The following ST8SIA6 variants were observed in gnomAD, a reference collection of about 807,000 sequenced individuals.
ST8SIA6 encodes alpha-2,8-sialyltransferase 8F.
Under a neutral mutation model 33.6 loss-of-function variants are expected in ST8SIA6, and 39 were observed. That is an observed-to-expected ratio of 1.16 (90% CI 0.90 to 1.52). ST8SIA6 has a LOEUF of 1.52. Ranked by LOEUF, ST8SIA6 falls within the 40% of genes most tolerant of loss-of-function variation. ST8SIA6 has a pLI of 0.00. For missense variants in ST8SIA6, 441 were observed against 443.8 expected (o/e 0.99, Z 0.06); for synonymous variants, 172 against 167.2 (o/e 1.03, Z -0.22).
chr10:17,411,384 T>C (rs865930303), intron 2 of ST8SIA6, among the ~76,000 whole-genome samples: 49 of 152,310 alleles, frequency 3.2e-4, no homozygotes, highest in African/African-American at 1.2e-3. Context: ...GGTTTCACCA[T>C]GTTGGCCAGG....
intron 5 of ST8SIA6, among the ~76,000 whole-genome samples, chr10:17,330,088 A>C (rs987647279): frequency 5.3e-5 from 8 of 152,080 alleles, no homozygotes; most frequent in Non-Finnish European, 1.0e-4. Context: ...AAAAATAGGG[A>C]CCTGGCTCTG....
intron 2 of ST8SIA6, among the ~76,000 whole-genome samples, chr10:17,420,106 T>C (rs1851733816): frequency 6.6e-6 from 1 of 152,246 alleles, no homozygotes; most frequent in Non-Finnish European, 1.5e-5. Flanking sequence ...CTAAAGACTC[T>C]AAAGTGCTTT....
chr10:17,419,401 G>A (rs1851708924), intron 2 of ST8SIA6, among the ~76,000 whole-genome samples: 1 of 152,070 alleles, frequency 6.6e-6, no homozygotes, highest in African/African-American at 2.4e-5. Flanking sequence ...GCATGGCAGT[G>A]TGTGCCTGTG....
chr10:17,390,599 C>T lies in ST8SIA6; in HGVS notation c.222G>A (p.Ser74=), dbSNP rs776776578. ...TTTTGCATTTCTCCGTCAGTTGGAG[C>T]GACTTCTCATTCAGATATGTGCTGT... ...ATNSTYLNEK[S]LQLTEKCKNL... is the part of the protein sequence containing the mutation. The change falls in exon 3 of 8, where the codon TCG becomes TCA. Residue 74 remains serine, a synonymous_variant. Coordinates refer to ENST00000377602, the MANE Select transcript of ST8SIA6 (RefSeq NM_001004470.3). The T allele has an allele frequency of 6.2e-6, 10 of 1,613,318 alleles. No homozygotes were observed. Among genetic ancestry groups the T allele is most frequent in the East Asian group, 4.5e-5 (2 of 44,880 alleles).
At chr10:17,324,710 C>T (rs1186756188) in intron 6 of ST8SIA6, among the ~76,000 whole-genome samples, 1 of 63,374 alleles carries the variant, frequency 1.6e-5, no homozygotes, top group Non-Finnish European at 3.2e-5. Context: ...ATAGAGTATA[C>T]ACACACACAC....
intron 2 of ST8SIA6, among the ~76,000 whole-genome samples, chr10:17,453,010 C>T (rs1393098431): frequency 1.3e-5 from 2 of 150,434 alleles, no homozygotes; most frequent in Non-Finnish European, 2.9e-5. Flanking sequence ...TAACTTTCTG[C>T]ACAAAGCTGT....
In ST8SIA6 at chr10:17,371,782, TTAAAA is replaced by T. The variant is rs1157397642; in HGVS notation, c.291-12187_291-12183del. Among the ~76,000 whole-genome samples the T allele has an allele frequency of 8.9e-5, 8 of 89,554 alleles. No individual in the cohort carries two copies. The South Asian group carries it at 2.4e-3, about 27-fold the overall frequency. The allele number at this position is 89,554 out of a possible 152,430, so 58.8% of individuals were successfully genotyped here. ...GCCTGGGTGACAGAGCAAGACTCCA[TTAAAA>T]AAAAAAAAAAAAAAAAGAAAGAAAG... On this transcript the variant is annotated intron_variant, in intron 3 of 7. Transcript: ENST00000377602.
intron 2 of ST8SIA6, among the ~76,000 whole-genome samples, chr10:17,429,711 C>T (rs1379682254): frequency 2.0e-5 from 3 of 152,148 alleles, no homozygotes; most frequent in African/African-American, 4.8e-5. Flanking sequence ...TCTTGAACTC[C>T]TAGGCTCAAG....
At chr10:17,377,408 G>T in intron 3 of ST8SIA6, among the ~76,000 whole-genome samples, 1 of 152,156 alleles carries the variant, frequency 6.6e-6, no homozygotes, top group East Asian at 1.9e-4. Flanking sequence ...AACAGAGATG[G>T]TATAAAAATG....
chr10:17,331,165 G>A lies in ST8SIA6; in HGVS notation c.522+243C>T, dbSNP rs1463369098. ...GAAGCCCGAGTGTCTCATCTCATTC[G>A]AAGAAGAGTCTGGAAGACAGGACTG... On this transcript the variant is annotated intron_variant, in intron 5 of 7. Coordinates refer to ENST00000377602, the MANE Select transcript of ST8SIA6 (RefSeq NM_001004470.3). Among the ~76,000 whole-genome samples, 5 of 152,068 alleles carry A rather than the reference G, an allele frequency of 3.3e-5. No homozygotes were observed. In the East Asian group the frequency reaches 7.7e-4, roughly 23 times the overall value.
intron 2 of ST8SIA6, among the ~76,000 whole-genome samples, chr10:17,421,129 C>T (rs72778934): frequency 0.16 from 24,557 of 152,114 alleles, 2,813 homozygotes; most frequent in East Asian, 0.38. Flanking sequence ...AGAGCCAAAA[C>T]ATATCACAGC....
At chr10:17,373,547 C>G (rs1175214858) in intron 3 of ST8SIA6, among the ~76,000 whole-genome samples, 1 of 152,136 alleles carries the variant, frequency 6.6e-6, no homozygotes, top group Admixed American at 6.6e-5. Context: ...ACTGATACTG[C>G]CAATAAAGCC....
intron 2 of ST8SIA6, among the ~76,000 whole-genome samples, chr10:17,422,298 A>G (rs1466003728): frequency 2.0e-5 from 3 of 152,182 alleles, no homozygotes; most frequent in Non-Finnish European, 2.9e-5. Flanking sequence ...CAAAATAATG[A>G]ATTTATTCCC....
intron 2 of ST8SIA6, among the ~76,000 whole-genome samples, chr10:17,394,652 C>T (rs1850738720): frequency 1.3e-5 from 2 of 152,082 alleles, no homozygotes; most frequent in Non-Finnish European, 2.9e-5. Context: ...TCAGAGTTTT[C>T]TTCCTTTTTT....
At chr10:17,453,168 C>T (rs1220469515) in intron 2 of ST8SIA6, among the ~76,000 whole-genome samples, 1 of 148,688 alleles carries the variant, frequency 6.7e-6, no homozygotes, top group Non-Finnish European at 1.5e-5. Context: ...CACCGGTGCC[C>T]TTTAAAGCAT....
chr10:17,338,206 G>T (rs1848567815), intron 4 of ST8SIA6, among the ~76,000 whole-genome samples: 2 of 151,996 alleles, frequency 1.3e-5, no homozygotes, highest in Non-Finnish European at 2.9e-5. Context: ...GACTAATTTT[G>T]TATTTTTAGT....
In ST8SIA6 at chr10:17,454,552, G is replaced by T. The variant is rs954563820; in HGVS notation, c.-297C>A. Among the ~76,000 whole-genome samples the T allele has an allele frequency of 6.6e-6, 1 of 152,010 alleles. No individual in the cohort carries two copies. The highest frequency in any genetic ancestry group is 2.4e-5 in the African/African-American group (1 of 41,430). On this transcript the variant is annotated 5_prime_UTR_variant, in exon 1 of 8. Coordinates refer to ENST00000377602, the MANE Select transcript of ST8SIA6 (RefSeq NM_001004470.3). The surrounding 1 kb of genome is among the most constrained non-coding windows in gnomAD (Gnocchi z 4.1). ...GCTCGCCGCCTGTCCTCCCGGAGGC[G>T]CTCGGAGCTGCTGCGGGCTCCGGTC...
intron 2 of ST8SIA6, among the ~76,000 whole-genome samples, chr10:17,402,792 G>A (rs1453715217): frequency 6.6e-6 from 1 of 152,110 alleles, no homozygotes; most frequent in African/African-American, 2.4e-5. Flanking sequence ...GGGGGAGTGG[G>A]GAGGGATAGC....
At chr10:17,452,100 G>A (rs998092650) in intron 2 of ST8SIA6, among the ~76,000 whole-genome samples, 3 of 152,222 alleles carry the variant, frequency 2.0e-5, no homozygotes, top group South Asian at 2.1e-4. Flanking sequence ...AAGATGGAAT[G>A]CTTCTCAGCT....
Sources: gnomAD v4.1 joint callset for allele counts (sites outside exome capture counted in the v4.1 genomes callset) on GRCh38, gnomAD v4.1.1 for gene constraint, Gnocchi (gnomAD v3.1) non-coding constraint, MANE v1.5 for transcripts, NCBI Gene and HGNC (gene_info 2026-07-23, HGNC 2026-07-21) for gene names.